EXT2: variants seen among roughly 807,000 people sequenced by gnomAD.
The protein encoded by EXT2 is exostosin glycosyltransferase 2.
EXT2 carries 53 observed loss-of-function variants against 81.6 expected under a neutral mutation model. The ratio of observed to expected loss-of-function variants is 0.65; its 90% CI spans 0.52 to 0.82. The LOEUF (loss-of-function observed/expected upper bound fraction) is 0.82. EXT2 is among the 40% of genes least tolerant of loss of function. EXT2 has a pLI of 0.00. For missense variants in EXT2, 774 were observed against 910.2 expected (o/e 0.85, Z 1.93); for synonymous variants, 320 against 340.0 (o/e 0.94, Z 0.65).
At chr11:44,115,109 T>C (rs1291985868) in intron 4 of EXT2, among the ~76,000 whole-genome samples, 1 of 152,234 alleles carries the variant, frequency 6.6e-6, no homozygotes, top group Non-Finnish European at 1.5e-5. Flanking sequence ...CTTAGAGTGA[T>C]GCCCATCGCT....
At chr11:44,184,643 C>T (rs879633820) in intron 8 of EXT2, among the ~76,000 whole-genome samples, 5 of 151,972 alleles carry the variant, frequency 3.3e-5, no homozygotes, top group Non-Finnish European at 7.4e-5. Context: ...CCTAGCTACT[C>T]GGGAGGCTGA....
At chr11:44,130,280 A>G in intron 7 of EXT2, 142 bp downstream of exon 7, 2 of 722,872 alleles carry the variant, frequency 2.8e-6, no homozygotes. Flanking sequence ...ACGATAGGAA[A>G]TTAATGTTAG....
At chr11:44,232,544 C>T in intron 11 of EXT2, 48 bp downstream of exon 11, 1 of 1,609,094 alleles carries the variant, frequency 6.2e-7, no homozygotes, top group Non-Finnish European at 8.5e-7. Context: ...GAGAATGATA[C>T]ACATTTTATT....
chr11:44,212,916 A>G (rs765376955), intron 10 of EXT2, among the ~76,000 whole-genome samples: 22 of 152,190 alleles, frequency 1.4e-4, no homozygotes, highest in Non-Finnish European at 2.5e-4. Flanking sequence ...ACCACAAAAA[A>G]GCAAGAAGGA....
chr11:44,199,166 T>C (rs1288942734), intron 9 of EXT2, among the ~76,000 whole-genome samples: 1 of 152,146 alleles, frequency 6.6e-6, no homozygotes, highest in Non-Finnish European at 1.5e-5. Flanking sequence ...ACATGGCCAG[T>C]TTTCTGGATT....
chr11:44,244,182 C>T lies in EXT2; in HGVS notation c.2052C>T (p.Phe684=), dbSNP rs746317053. The stretch of plus-strand genomic sequence containing the variant: ...GCATCAACAAGTTTGCTTCAGTCTT[C>T]GGGACCATGCCTCTCAAGGTGGTGG... ...SECINKFASV[F]GTMPLKVVEH... The change falls in exon 14 of 14, where the codon TTC becomes TTT. Residue 684 remains phenylalanine (F), a synonymous_variant. Transcript: ENST00000533608. 61 of 1,613,942 alleles carry T rather than the reference C, an allele frequency of 3.8e-5. No homozygotes were observed. Among genetic ancestry groups the T allele is most frequent in the Admixed American group, 5.0e-5 (3 of 60,004 alleles).
chr11:44,223,561 A>G (rs867058288), intron 10 of EXT2, among the ~76,000 whole-genome samples: 1 of 152,186 alleles, frequency 6.6e-6, no homozygotes, highest in Non-Finnish European at 1.5e-5. Context: ...TTCCATTTAT[A>G]TAACCTCCTT....
chr11:44,146,505 C>T (rs760181693), intron 7 of EXT2, among the ~76,000 whole-genome samples: 2 of 152,282 alleles, frequency 1.3e-5, no homozygotes, highest in South Asian at 4.1e-4. Context: ...TAAGGCCAGA[C>T]GGGATAGGAG....
At chr11:44,197,503 A>T (rs923770585) in intron 8 of EXT2, among the ~76,000 whole-genome samples, 1 of 151,980 alleles carries the variant, frequency 6.6e-6, no homozygotes, top group Non-Finnish European at 1.5e-5. Flanking sequence ...GTCCTTGTAG[A>T]TTTATATTCT....
chr11:44,111,374 C>T (rs1398040803), intron 3 of EXT2, among the ~76,000 whole-genome samples: 1 of 152,138 alleles, frequency 6.6e-6, no homozygotes, highest in African/African-American at 2.4e-5. Flanking sequence ...CACTCCCTTC[C>T]TGAAAGATAC....
intron 4 of EXT2, among the ~76,000 whole-genome samples, chr11:44,124,520 G>A (rs1035293744): frequency 6.6e-6 from 1 of 150,636 alleles, no homozygotes; most frequent in Non-Finnish European, 1.5e-5. Flanking sequence ...CATATTATAA[G>A]CATTTCCTCA....
Position 44,130,130 on chromosome 11 carries a change from C to G in EXT2, c.1165C>G (p.Gln389Glu), listed in dbSNP as rs1203844985. The stretch of plus-strand genomic sequence containing the variant: ...CCCCCAAAGACAGATTGAAGAAATG[C>G]AGAGACAGGTAAGAGGCCAAGTCTT... ...SIPQRQIEEM[Q>E]RQARWFWEAY... Residue 389 changes from glutamine (Q) to glutamate (E), a missense_variant, in exon 7 of 14, where the codon CAG becomes GAG. Around this residue, in one of 2 missense-constraint regions of EXT2, gnomAD observed 626 missense variants for 670.5 expected, o/e 0.93. Transcript: ENST00000533608. 1 of 1,613,784 alleles carries G rather than the reference C, an allele frequency of 6.2e-7. No individual in the cohort carries two copies. Among genetic ancestry groups the G allele is most frequent in the East Asian group, 2.2e-5 (1 of 44,868 alleles).
intron 1 of EXT2, among the ~76,000 whole-genome samples, chr11:44,102,179 C>T (rs925278253): frequency 6.6e-5 from 10 of 152,138 alleles, no homozygotes; most frequent in African/African-American, 2.4e-4. Flanking sequence ...AGATCTTTAT[C>T]AGAATAGCTG....
Position 44,251,754 on chromosome 11 carries a change from T to TA in EXT2, c.*7474dup, listed in dbSNP as rs1480894241. Among the ~76,000 whole-genome samples the TA allele has an allele frequency of 1.3e-5, 2 of 152,240 alleles. No individual in the cohort carries two copies. The highest frequency in any genetic ancestry group is 2.4e-5 in the African/African-American group (1 of 41,548). Reference sequence around the variant, plus strand: ...AAAAAGATTCTTTTCCCTTAAAAAATAAAAAAACCTGATGTGATGGGTTCC... The same window carrying TA: ...AAAAAGATTCTTTTCCCTTAAAAAATAAAAAAAACCTGATGTGATGGGTTCC... On this transcript the variant is annotated 3_prime_UTR_variant, in exon 14 of 14. Transcript: ENST00000533608.
Position 44,244,147 on chromosome 11 carries a change from A to G in EXT2, c.2019-2A>G. 1 of 1,613,888 alleles carries G rather than the reference A, an allele frequency of 6.2e-7. No individual in the cohort carries two copies. Among genetic ancestry groups the G allele is most frequent in the Non-Finnish European group, 8.5e-7 (1 of 1,179,884 alleles). The stretch of plus-strand genomic sequence containing the variant: ...TCCCCACCTCCTCTCCAAATCCCAC[A>G]GGTCAGAGTGCATCAACAAGTTTGC... On this transcript the variant is annotated splice_acceptor_variant, in intron 13 of 13. Coordinates refer to ENST00000533608, the MANE Select transcript of EXT2 (RefSeq NM_207122.2). LOFTEE classifies it high-confidence loss of function.
chr11:44,207,490 A>C (rs1160383212), intron 10 of EXT2, among the ~76,000 whole-genome samples: 1 of 152,148 alleles, frequency 6.6e-6, no homozygotes, highest in East Asian at 1.9e-4. Flanking sequence ...AAGTATGGAG[A>C]CCAGTAAAGG....
At chr11:44,149,800 T>C (rs1954769149) in intron 7 of EXT2, among the ~76,000 whole-genome samples, 1 of 152,212 alleles carries the variant, frequency 6.6e-6, no homozygotes, top group Admixed American at 6.5e-5. Flanking sequence ...TGCTTATATA[T>C]GGGCCTTTGG....
intron 1 of EXT2, among the ~76,000 whole-genome samples, chr11:44,101,936 A>G (rs1398791880): frequency 1.6e-5 from 2 of 127,908 alleles, no homozygotes; most frequent in Admixed American, 8.5e-5. Context: ...CTTGACTTGT[A>G]TAATCAGTAA....
intron 1 of EXT2, among the ~76,000 whole-genome samples, chr11:44,103,084 A>G (rs1299728768): frequency 2.0e-5 from 3 of 152,092 alleles, no homozygotes; most frequent in African/African-American, 7.2e-5. Flanking sequence ...GCCAGATGTC[A>G]TTGATATTCT....
Sources: allele counts gnomAD v4.1 joint callset (sites outside exome capture counted in the v4.1 genomes callset), GRCh38; gene constraint gnomAD v4.1.1; regional missense constraint gnomAD v4.1.1; transcripts MANE v1.5; gene names NCBI Gene and HGNC (gene_info 2026-07-23, HGNC 2026-07-21).